PRKAA2: variants seen among roughly 807,000 people sequenced by gnomAD.
PRKAA2 encodes the protein 5'-AMP-activated protein kinase catalytic subunit alpha-2.
Under a neutral mutation model 56.3 loss-of-function variants are expected in PRKAA2, and 40 were observed. The observed-to-expected ratio is 0.71, with a 90% confidence interval of 0.55 to 0.92. PRKAA2 has a LOEUF of 0.92. Among genes scored for constraint, PRKAA2 ranks in the 40% least tolerant of loss-of-function variants. PRKAA2 has a pLI of 0.00. For synonymous variants in PRKAA2, 214 were observed against 234.2 expected (o/e 0.91, Z 0.79); for missense variants, 542 against 686.9 (o/e 0.79, Z 2.36).
At chr1:56,697,012 A>ATTTTTTTTTTTTTTTTTTTTT (rs752842791) in intron 6 of PRKAA2, among the ~76,000 whole-genome samples, 688 of 57,872 alleles carry the variant, frequency 0.012, 209 homozygotes, top group African/African-American at 0.04. Context: ...CCAGCAAAGA[A>ATTTTTTTTTTTTTTTTTTTTT]TTTTTTTTTT....
chr1:56,705,028 G>GCT (rs1242503715), intron 7 of PRKAA2, among the ~76,000 whole-genome samples: 7 of 152,116 alleles, frequency 4.6e-5, no homozygotes, highest in African/African-American at 1.7e-4. Context: ...AAAAATTAGT[G>GCT]CTCAATTTCA....
At chr1:56,666,392 C>T (rs1644036386) in intron 1 of PRKAA2, among the ~76,000 whole-genome samples, 1 of 152,124 alleles carries the variant, frequency 6.6e-6, no homozygotes, top group African/African-American at 2.4e-5. Flanking sequence ...TACATTAGAA[C>T]ATCACTTAAT....
intron 1 of PRKAA2, among the ~76,000 whole-genome samples, chr1:56,663,606 AC>A (rs1454082858): frequency 6.6e-6 from 1 of 152,220 alleles, no homozygotes; most frequent in Non-Finnish European, 1.5e-5. Context: ...TCTGAGTGCA[AC>A]AGTTTTGACA....
At chr1:56,659,243 C>G (rs1341475498) in intron 1 of PRKAA2, among the ~76,000 whole-genome samples, 1 of 151,438 alleles carries the variant, frequency 6.6e-6, no homozygotes, top group Non-Finnish European at 1.5e-5. Context: ...GCCTGTAATC[C>G]TAGCACTTAG....
intron 1 of PRKAA2, among the ~76,000 whole-genome samples, chr1:56,646,889 A>T (rs146257573): frequency 6.6e-6 from 1 of 152,234 alleles, no homozygotes; most frequent in African/African-American, 2.4e-5. Context: ...CTAGGCAATG[A>T]GGATACAGCA....
chr1:56,665,629 G>A (rs1644029785), intron 1 of PRKAA2, among the ~76,000 whole-genome samples: 1 of 152,178 alleles, frequency 6.6e-6, no homozygotes, highest in Non-Finnish European at 1.5e-5. Flanking sequence ...TTTCCCAAGT[G>A]TTTGCACTAA....
At chr1:56,659,918 A>T (rs1643980850) in intron 1 of PRKAA2, among the ~76,000 whole-genome samples, 1 of 152,162 alleles carries the variant, frequency 6.6e-6, no homozygotes, top group Admixed American at 6.5e-5. Context: ...TAAATAAATA[A>T]ATAAAGCAGA....
At chr1:56,664,883 CACACACACAT>C (rs1399115882) in intron 1 of PRKAA2, among the ~76,000 whole-genome samples, 2,284 of 148,140 alleles carry the variant, frequency 0.015, 64 homozygotes, top group African/African-American at 0.054. Context: ...CACACACACA[CACACACACAT>C]ATATACATAC....
chr1:56,666,861 G>T (rs1644039982), intron 1 of PRKAA2, among the ~76,000 whole-genome samples: 1 of 152,096 alleles, frequency 6.6e-6, no homozygotes, highest in South Asian at 2.1e-4. Context: ...CCAATTAGGT[G>T]CATAACATGC....
intron 2 of PRKAA2, among the ~76,000 whole-genome samples, chr1:56,685,018 A>T (rs913596715): frequency 1.3e-5 from 2 of 152,176 alleles, no homozygotes; most frequent in Non-Finnish European, 2.9e-5. Context: ...GCATAACTGG[A>T]GGAGTTAGTC....
At chr1:56,688,945 T>G (rs1445668307) in intron 2 of PRKAA2, among the ~76,000 whole-genome samples, 3 of 152,198 alleles carry the variant, frequency 2.0e-5, no homozygotes, top group Non-Finnish European at 4.4e-5. Flanking sequence ...AGACAGTAAG[T>G]GCTTAGTAAC....
rs980896180 is a variant in PRKAA2, at chr1:56,710,544, G to T, written c.*2831G>T. On this transcript the variant is annotated 3_prime_UTR_variant, in exon 9 of 9. Transcript: ENST00000371244. ...TACTGTCCCAGAATGCCATAATTAGGGTAGTTAATAATTAACACTTCCATT... is the reference window on the plus strand; with the variant it reads ...TACTGTCCCAGAATGCCATAATTAGTGTAGTTAATAATTAACACTTCCATT... 2 of 151,988 alleles carry T rather than the reference G, an allele frequency of 1.3e-5. No individual in the cohort carries two copies. Among genetic ancestry groups the T allele is most frequent in the Admixed American group, 1.3e-4 (2 of 15,252 alleles). The allele number at this position is 151,988 out of a possible 1,614,324, so 9.4% of individuals were successfully genotyped here.
At chr1:56,660,411 A>G (rs1169838607) in intron 1 of PRKAA2, among the ~76,000 whole-genome samples, 1 of 152,128 alleles carries the variant, frequency 6.6e-6, no homozygotes, top group Non-Finnish European at 1.5e-5. Context: ...GCACTTCTTG[A>G]TGACTAACCT....
At chr1:56,647,715 A>C (rs1254149408) in intron 1 of PRKAA2, among the ~76,000 whole-genome samples, 1 of 125,510 alleles carries the variant, frequency 8.0e-6, no homozygotes, top group African/African-American at 2.8e-5. Context: ...ACAAAAAGTC[A>C]TGTTTTTTTT....
intron 2 of PRKAA2, among the ~76,000 whole-genome samples, chr1:56,684,615 A>G (rs1305822786): frequency 6.6e-6 from 1 of 152,182 alleles, no homozygotes; most frequent in Non-Finnish European, 1.5e-5. Context: ...GTTTTAGGAA[A>G]GATCACCAAC....
At chr1:56,668,262 TGTGGG>T (rs1387305706) in intron 1 of PRKAA2, among the ~76,000 whole-genome samples, 6 of 113,906 alleles carry the variant, frequency 5.3e-5, no homozygotes, top group Admixed American at 3.6e-4. Flanking sequence ...TGGGGACTGT[TGTGGG>T]GTGGGGGGAG....
chr1:56,674,702 T>C (rs1644101114), intron 2 of PRKAA2, among the ~76,000 whole-genome samples, 180 bp downstream of exon 2: 1 of 151,996 alleles, frequency 6.6e-6, no homozygotes, highest in Non-Finnish European at 1.5e-5. Flanking sequence ...TTGGTTAGAC[T>C]GAACAGACAT....
intron 1 of PRKAA2, among the ~76,000 whole-genome samples, chr1:56,647,125 A>C (rs1253416004): frequency 2.6e-5 from 4 of 152,314 alleles, no homozygotes; most frequent in African/African-American, 9.6e-5. Context: ...TGTGAGGGTT[A>C]TAAAGTCCTG....
At chr1:56,656,315 A>G (rs1643942086) in intron 1 of PRKAA2, among the ~76,000 whole-genome samples, 1 of 151,974 alleles carries the variant, frequency 6.6e-6, no homozygotes, top group African/African-American at 2.4e-5. Flanking sequence ...GCAAACCTCC[A>G]TTTTTCTTTT....
Sources: gnomAD v4.1 joint callset for allele counts (sites outside exome capture counted in the v4.1 genomes callset) on GRCh38, gnomAD v4.1.1 for gene constraint, MANE v1.5 for transcripts, NCBI Gene and HGNC (gene_info 2026-07-23, HGNC 2026-07-21) for gene names.